Variants in CYTH3 observed in about 807,000 individuals in gnomAD.
CYTH3 encodes the protein cytohesin 3.
In CYTH3, 23 loss-of-function variants were observed where a neutral mutation model predicts 55.1. That is an observed-to-expected ratio of 0.42 (90% CI 0.30 to 0.59). The LOEUF is 0.59. Ranked by LOEUF, CYTH3 falls within the 20% of genes least tolerant of loss-of-function variation. The pLI is 0.20. For missense variants in CYTH3, 413 were observed against 524.8 expected (o/e 0.79, Z 2.08); for synonymous variants, 249 against 194.9 (o/e 1.28, Z -2.31).
At chr7:6,230,803 G>GA (rs1779374085) in intron 1 of CYTH3, among the ~76,000 whole-genome samples, 1 of 152,086 alleles carries the variant, frequency 6.6e-6, no homozygotes, top group Admixed American at 6.5e-5. Context: ...CCCGTATTTT[G>GA]AAAAAAGTTA....
chr7:6,263,255 G>A (rs1207832819), intron 1 of CYTH3, among the ~76,000 whole-genome samples: 4 of 152,318 alleles, frequency 2.6e-5, no homozygotes, highest in Non-Finnish European at 5.9e-5. Flanking sequence ...TCTTACCCAT[G>A]AGATAGGTAA....
chr7:6,259,312 G>T (rs1201517639), intron 1 of CYTH3, among the ~76,000 whole-genome samples: 1 of 152,056 alleles, frequency 6.6e-6, no homozygotes, highest in African/African-American at 2.4e-5. Context: ...TTCAAAAGAA[G>T]ACTACAGTAA....
intron 4 of CYTH3, among the ~76,000 whole-genome samples, chr7:6,179,714 CCACACACCACACACACACACCCACCA>C (rs1783437232): frequency 9.7e-6 from 1 of 103,372 alleles, no homozygotes; most frequent in Admixed American, 9.5e-5. Flanking sequence ...CACACACACC[CCACACACCACACACACACACCCACCA>C]CACACACCCC....
chr7:6,187,444 G>A (rs1783683246), intron 3 of CYTH3, among the ~76,000 whole-genome samples: 1 of 152,220 alleles, frequency 6.6e-6, no homozygotes. Flanking sequence ...TATAAAGGCA[G>A]ATGATGACTT....
Position 6,248,247 on chromosome 7 carries a change from CA to C in CYTH3, c.34+24226del, listed in dbSNP as rs754789105. Among the ~76,000 whole-genome samples the C allele has an allele frequency of 4.1e-3, 525 of 128,156 alleles. 4 individuals carry two copies. Among genetic ancestry groups the C allele is most frequent in the African/African-American group, 8.2e-3 (283 of 34,530 alleles). The allele number at this position is 128,156 out of a possible 152,430, so 84.1% of individuals were successfully genotyped here. A position where few individuals can be genotyped will look rare whatever the true frequency, so the allele number is the denominator to read the frequency against. The stretch of plus-strand genomic sequence containing the variant: ...CATCCTCCCCCAACCCCCCCCCAGC[CA>C]AAAAAAAAAAAAAGAATAGCTGGAC... On this transcript the variant is annotated intron_variant, in intron 1 of 12. Transcript: ENST00000350796.
intron 1 of CYTH3, among the ~76,000 whole-genome samples, chr7:6,244,460 G>C (rs1477895903): frequency 6.6e-6 from 1 of 152,158 alleles, no homozygotes; most frequent in African/African-American, 2.4e-5. Flanking sequence ...GCTTCAAAAT[G>C]TCCGAAAAAT....
chr7:6,223,180 C>A (rs1179747772), intron 1 of CYTH3, among the ~76,000 whole-genome samples: 1 of 151,886 alleles, frequency 6.6e-6, no homozygotes, highest in African/African-American at 2.4e-5. Flanking sequence ...GGGGGCGCCT[C>A]TGCCCGGCCG....
At chr7:6,184,185 C>A (rs1057212434) in intron 4 of CYTH3, among the ~76,000 whole-genome samples, 10 of 151,278 alleles carry the variant, frequency 6.6e-5, no homozygotes, top group African/African-American at 2.4e-4. Flanking sequence ...CTCAGCCTCC[C>A]GAGTAGCTGG....
chr7:6,248,469 T>C (rs761188487), intron 1 of CYTH3, among the ~76,000 whole-genome samples: 2 of 152,190 alleles, frequency 1.3e-5, no homozygotes, highest in Non-Finnish European at 2.9e-5. Context: ...AGTTTCTGCA[T>C]CTAACTCTCC....
intron 1 of CYTH3, among the ~76,000 whole-genome samples, chr7:6,207,512 C>T (rs1024926447): frequency 6.6e-6 from 1 of 152,100 alleles, no homozygotes; most frequent in Non-Finnish European, 1.5e-5. Flanking sequence ...CACCTGTAAT[C>T]CCAGTACTTT....
intron 1 of CYTH3, among the ~76,000 whole-genome samples, chr7:6,204,278 T>C (rs1225986297): frequency 2.0e-5 from 3 of 152,134 alleles, no homozygotes; most frequent in Admixed American, 6.5e-5. Context: ...AGAAAATAAA[T>C]TTCAAAGGAT....
At chr7:6,195,105 G>C (rs985978457) in intron 1 of CYTH3, among the ~76,000 whole-genome samples, 4 of 152,072 alleles carry the variant, frequency 2.6e-5, no homozygotes. Flanking sequence ...GTTCATCACA[G>C]AAAATAACTT....
chr7:6,229,641 C>A (rs535062737), intron 1 of CYTH3, among the ~76,000 whole-genome samples: 9 of 141,890 alleles, frequency 6.3e-5, no homozygotes, highest in Admixed American at 4.4e-4. Flanking sequence ...GAAACCCCGT[C>A]TCTACTGAAA....
intron 1 of CYTH3, among the ~76,000 whole-genome samples, chr7:6,259,812 TAA>T (rs1562418087): frequency 1.0e-4 from 3 of 29,348 alleles, no homozygotes; most frequent in East Asian, 1.2e-3. Flanking sequence ...TATATATATA[TAA>T]TATATATATA....
chr7:6,254,124 G>A (rs1048531119), intron 1 of CYTH3, among the ~76,000 whole-genome samples: 1 of 152,152 alleles, frequency 6.6e-6, no homozygotes, highest in South Asian at 2.1e-4. Flanking sequence ...GGAGGTTGAA[G>A]TGAGCTGAGA....
intron 1 of CYTH3, among the ~76,000 whole-genome samples, chr7:6,255,954 A>G (rs933805296): frequency 6.6e-6 from 1 of 151,782 alleles, no homozygotes; most frequent in African/African-American, 2.4e-5. Flanking sequence ...TAGTAGAGAC[A>G]GGGTTTCACT....
intron 1 of CYTH3, among the ~76,000 whole-genome samples, chr7:6,196,456 C>CTTTT (rs5882084): frequency 6.1e-5 from 7 of 113,976 alleles, no homozygotes; most frequent in South Asian, 3.0e-4. Flanking sequence ...TTCTTTTTTT[C>CTTTT]TTTTTTTTTT....
intron 1 of CYTH3, among the ~76,000 whole-genome samples, chr7:6,246,249 A>G (rs576529836): frequency 6.7e-6 from 1 of 148,682 alleles, no homozygotes; most frequent in African/African-American, 2.5e-5. Flanking sequence ...TTTTTTTTTT[A>G]AAAGAGACAG....
At chr7:6,243,101 A>G (rs930219847) in intron 1 of CYTH3, among the ~76,000 whole-genome samples, 2 of 152,204 alleles carry the variant, frequency 1.3e-5, no homozygotes, top group East Asian at 1.9e-4. Context: ...TGCTCTAAAA[A>G]TGGTATTTCT....
Sources: gnomAD v4.1 joint callset for allele counts (sites outside exome capture counted in the v4.1 genomes callset) on GRCh38, gnomAD v4.1.1 for gene constraint, MANE v1.5 for transcripts, NCBI Gene and HGNC (gene_info 2026-07-23, HGNC 2026-07-21) for gene names.